The following PDE8B variants were observed in gnomAD, a reference collection of about 807,000 sequenced individuals.
PDE8B encodes the protein high affinity cAMP-specific and IBMX-insensitive 3',5'-cyclic phosphodiesterase 8B.
PDE8B carries 26 observed loss-of-function variants against 101.3 expected under a neutral mutation model. The observed-to-expected ratio is 0.26, with a 90% CI of 0.19 to 0.36. The LOEUF is 0.36. Among genes scored for constraint, PDE8B ranks in the 10% least tolerant of loss-of-function variants. The pLI is 1.00. For synonymous variants in PDE8B, 424 were observed against 429.3 expected (o/e 0.99, Z 0.15); for missense variants, 810 against 1,163.1 (o/e 0.70, Z 4.42).
chr5:77,401,794 A>G (rs1028307208), intron 11 of PDE8B, among the ~76,000 whole-genome samples: 1 of 152,188 alleles, frequency 6.6e-6, no homozygotes, highest in African/African-American at 2.4e-5. Flanking sequence ...ATGACAATGA[A>G]TTCTTTAATT....
intron 1 of PDE8B, among the ~76,000 whole-genome samples, chr5:77,283,287 AC>A (rs1446229607): frequency 6.6e-6 from 1 of 152,104 alleles, no homozygotes; most frequent in Non-Finnish European, 1.5e-5. Flanking sequence ...TCCACTGTCA[AC>A]ATCCCCCACC....
chr5:77,400,198 G>T lies in PDE8B; in HGVS notation c.1168-50G>T, dbSNP rs775030377. Reference sequence around the variant, plus strand: ...TGTTTGATGAGAAATATAGCAAATGGCATATTTAAAATCTTTCTCTTGTTT... The same window carrying T: ...TGTTTGATGAGAAATATAGCAAATGTCATATTTAAAATCTTTCTCTTGTTT... On this transcript the variant is annotated intron_variant, in intron 10 of 21. Transcript: ENST00000264917. The T allele has an allele frequency of 2.5e-6, 3 of 1,220,848 alleles. No individual in the cohort carries two copies. In the South Asian group the frequency reaches 3.6e-5, roughly 15 times the overall value. The allele number at this position is 1,220,848 out of a possible 1,614,324, so 75.6% of individuals were successfully genotyped here.
At chr5:77,291,785 A>G in intron 1 of PDE8B, 1 of 1,575,218 alleles carries the variant, frequency 6.3e-7, no homozygotes, top group Non-Finnish European at 8.7e-7. Flanking sequence ...CTCTGGCCCA[A>G]GGAATCAAGT....
intron 3 of PDE8B, 49 bp from the exon 4 acceptor site, chr5:77,328,949 G>T: frequency 7.0e-7 from 1 of 1,437,206 alleles, no homozygotes; most frequent in South Asian, 1.1e-5. Context: ...TTCATTTAAT[G>T]TAACAAAGCC....
At chr5:77,104,233 G>C in the PDE8B span, among the ~76,000 whole-genome samples, 1 of 152,316 alleles carries the variant, frequency 6.6e-6, no homozygotes, top group African/African-American at 2.4e-5. Flanking sequence ...CCACGTGAAG[G>C]CTTGGGAGCT....
At position 77,210,765 on chromosome 5, in the gene PDE8B, G is replaced by C. The variant is rs866972257; in HGVS notation, c.-161G>C. On this transcript the variant is annotated 5_prime_UTR_variant, in exon 1 of 22. Transcript: ENST00000264917. This position sits in a 1 kb window ranked among gnomAD's most constrained non-coding sequence, Gnocchi z 4.9. Reference sequence around the variant, plus strand: ...GCGCGCGGTCCCCGGAGGCTCGGCGGGGGGCACCGCGGCCAGCCCGACGGA... The same window carrying C: ...GCGCGCGGTCCCCGGAGGCTCGGCGCGGGGCACCGCGGCCAGCCCGACGGA... 1.0e-6 allele frequency: 1 copy of C among 982,582 alleles called. No individual in the cohort carries two copies. The highest frequency in any genetic ancestry group is 1.2e-6 in the Non-Finnish European group (1 of 829,384). The allele number at this position is 982,582 out of a possible 1,614,324, so 60.9% of individuals were successfully genotyped here.
intron 1 of PDE8B, among the ~76,000 whole-genome samples, chr5:77,249,505 A>G (rs1757626946): frequency 1.3e-5 from 2 of 152,236 alleles, no homozygotes; most frequent in African/African-American, 4.8e-5. Context: ...TGTATCTACC[A>G]AGTGGCAAAA....
intron 20 of PDE8B, 62 bp downstream of exon 20, chr5:77,422,050 C>G: frequency 6.6e-7 from 1 of 1,514,484 alleles, no homozygotes. Context: ...GGTCATGGAA[C>G]TCCTGGGGGA....
intron 12 of PDE8B, among the ~76,000 whole-genome samples, chr5:77,406,409 G>C (rs1032894578): frequency 6.6e-6 from 1 of 152,238 alleles, no homozygotes; most frequent in East Asian, 1.9e-4. Flanking sequence ...AATATGAATC[G>C]AGAGATTTTT....
At chr5:77,337,483 C>T (rs1271355787) in intron 6 of PDE8B, among the ~76,000 whole-genome samples, 168 bp downstream of exon 6, 1 of 152,130 alleles carries the variant, frequency 6.6e-6, no homozygotes, top group Non-Finnish European at 1.5e-5. Flanking sequence ...CCAGAAGGCC[C>T]ATTATATAAA....
chr5:77,191,785 G>A, the PDE8B span, among the ~76,000 whole-genome samples: 2 of 152,096 alleles, frequency 1.3e-5, no homozygotes, highest in African/African-American at 4.8e-5. Flanking sequence ...CATTTATTGT[G>A]CACTTTATTT....
intron 10 of PDE8B, among the ~76,000 whole-genome samples, chr5:77,398,979 G>C (rs74634764): frequency 0.081 from 12,348 of 152,240 alleles, 823 homozygotes; most frequent in African/African-American, 0.17. Context: ...GATGAATCCC[G>C]TTCCTCGGAA....
Position 77,256,812 on chromosome 5 carries a change from A to C in PDE8B, c.339+45548A>C, listed in dbSNP as rs138142463. On this transcript the variant is annotated intron_variant, in intron 1 of 21. Coordinates refer to ENST00000264917, the MANE Select transcript of PDE8B (RefSeq NM_003719.5). ...ACATTTTAGGAAAAAATCTCAAACC[A>C]AAAAAGAGTTGAAGCATATAGATTT... Among the ~76,000 whole-genome samples the C allele has an allele frequency of 2.4e-3, 368 of 152,308 alleles. 3 individuals are homozygous for C. The highest frequency in any genetic ancestry group is 8.5e-3 in the African/African-American group (354 of 41,572).
At chr5:77,214,365 C>G (rs1749182582) in intron 1 of PDE8B, among the ~76,000 whole-genome samples, 1 of 152,236 alleles carries the variant, frequency 6.6e-6, no homozygotes, top group Non-Finnish European at 1.5e-5. Flanking sequence ...CAGATGGCAG[C>G]ATCACCAGCT....
chr5:77,309,824 T>A (rs1772133259), intron 1 of PDE8B, among the ~76,000 whole-genome samples: 1 of 151,764 alleles, frequency 6.6e-6, no homozygotes, highest in African/African-American at 2.4e-5. Flanking sequence ...TTCACCATGT[T>A]GGCCAGGCTG....
At chr5:77,396,695 C>T (rs1791134217) in intron 10 of PDE8B, among the ~76,000 whole-genome samples, 1 of 152,066 alleles carries the variant, frequency 6.6e-6, no homozygotes, top group Non-Finnish European at 1.5e-5. Flanking sequence ...TTTAAATAGC[C>T]TCTAAACTAT....
the PDE8B span, among the ~76,000 whole-genome samples, chr5:77,202,450 T>C: frequency 6.6e-6 from 1 of 152,216 alleles, no homozygotes; most frequent in Non-Finnish European, 1.5e-5. Flanking sequence ...TTAATGATGA[T>C]CCATTTTCAC....
chr5:77,280,351 G>A (rs1226066332), intron 1 of PDE8B, among the ~76,000 whole-genome samples: 3 of 152,166 alleles, frequency 2.0e-5, no homozygotes, highest in Admixed American at 2.0e-4. Context: ...CTGTCCTCCT[G>A]CAGGAGGGTG....
the PDE8B span, chr5:77,144,066 G>T: frequency 6.6e-6 from 1 of 152,154 alleles, no homozygotes; most frequent in Admixed American, 6.5e-5. Flanking sequence ...AGAAATCTCA[G>T]CCTTTGGTCC....
Sources: gnomAD v4.1 joint callset for allele counts (sites outside exome capture counted in the v4.1 genomes callset) on GRCh38, gnomAD v4.1.1 for gene constraint, Gnocchi (gnomAD v3.1) non-coding constraint, MANE v1.5 for transcripts, NCBI Gene and HGNC (gene_info 2026-07-23, HGNC 2026-07-21) for gene names.